POPDC1: variants seen among roughly 807,000 people sequenced by gnomAD.
POPDC1 encodes popeye domain-containing protein 1.
chr6:105,099,730 T>C, the POPDC1 span: 1 of 152,352 alleles, frequency 6.6e-6, no homozygotes. Context: ...CCTTCCACTG[T>C]GTTCACGTTC....
the POPDC1 span, among the ~76,000 whole-genome samples, chr6:105,106,847 TTA>T: frequency 6.6e-6 from 1 of 152,300 alleles, no homozygotes; most frequent in Admixed American, 6.5e-5. Context: ...ATGTATATAT[TTA>T]TGAGTTACAT....
chr6:105,124,834 A>T, the POPDC1 span, among the ~76,000 whole-genome samples: 1 of 152,220 alleles, frequency 6.6e-6, no homozygotes, highest in Non-Finnish European at 1.5e-5. Flanking sequence ...ATAACGTTAG[A>T]AAAAGAAAAA....
the POPDC1 span, among the ~76,000 whole-genome samples, chr6:105,113,755 G>A: frequency 6.6e-6 from 1 of 151,424 alleles, no homozygotes; most frequent in African/African-American, 2.4e-5. Flanking sequence ...GAGGCGGGTG[G>A]GATCCTCCTG....
chr6:105,108,315 G>A, the POPDC1 span, among the ~76,000 whole-genome samples: 5 of 152,186 alleles, frequency 3.3e-5, no homozygotes, highest in South Asian at 2.1e-4. Flanking sequence ...GCTGGAGGAC[G>A]GCAGGCTCTG....
At chr6:105,120,911 T>C in the POPDC1 span, among the ~76,000 whole-genome samples, 1 of 152,222 alleles carries the variant, frequency 6.6e-6, no homozygotes, top group African/African-American at 2.4e-5. Flanking sequence ...CCACTGATGC[T>C]TATTGAGTTC....
the POPDC1 span, chr6:105,125,717 A>G: frequency 4.4e-5 from 35 of 796,510 alleles, no homozygotes; most frequent in South Asian, 5.4e-4. Flanking sequence ...GGCCAATAGA[A>G]TCTTACACAG....
the POPDC1 span, among the ~76,000 whole-genome samples, chr6:105,120,679 T>C: frequency 6.6e-6 from 1 of 152,174 alleles, no homozygotes; most frequent in South Asian, 2.1e-4. Flanking sequence ...TTCCTCCCTT[T>C]AGATTCCAAA....
the POPDC1 span, among the ~76,000 whole-genome samples, chr6:105,103,282 T>C: frequency 6.6e-6 from 1 of 152,222 alleles, no homozygotes; most frequent in Admixed American, 6.5e-5. Flanking sequence ...AACCACTTTG[T>C]AAATATTTGT....
chr6:105,122,657 A>C, the POPDC1 span, among the ~76,000 whole-genome samples: 1 of 152,228 alleles, frequency 6.6e-6, no homozygotes, highest in South Asian at 2.1e-4. Context: ...ATACAGGCAA[A>C]AGATAAATGT....
At chr6:105,134,665 T>A in the POPDC1 span, among the ~76,000 whole-genome samples, 1 of 152,152 alleles carries the variant, frequency 6.6e-6, no homozygotes, top group Non-Finnish European at 1.5e-5. Flanking sequence ...AAAATGGGTA[T>A]TTTGAAAGGA....
the POPDC1 span, chr6:105,136,299 G>T: frequency 1.3e-5 from 2 of 152,292 alleles, no homozygotes; most frequent in Admixed American, 1.3e-4. Flanking sequence ...GGGGAAGGAG[G>T]TTGCGGGTGG....
the POPDC1 span, among the ~76,000 whole-genome samples, chr6:105,115,334 C>T: frequency 6.6e-6 from 1 of 152,020 alleles, no homozygotes; most frequent in Non-Finnish European, 1.5e-5. Context: ...GTGATCCGCC[C>T]GCCTCAGCCT....
chr6:105,113,504 T>C, the POPDC1 span, among the ~76,000 whole-genome samples: 1 of 152,150 alleles, frequency 6.6e-6, no homozygotes, highest in Non-Finnish European at 1.5e-5. Context: ...GGAACATGCA[T>C]GGAAGTGGTA....
At chr6:105,130,659 G>C in the POPDC1 span, among the ~76,000 whole-genome samples, 1 of 152,088 alleles carries the variant, frequency 6.6e-6, no homozygotes, top group African/African-American at 2.4e-5. Context: ...AACCCAGATG[G>C]CATAGTCTAC....
chr6:105,104,954 T>A, the POPDC1 span, among the ~76,000 whole-genome samples: 1 of 152,196 alleles, frequency 6.6e-6, no homozygotes, highest in Non-Finnish European at 1.5e-5. Context: ...ACATCTGTAC[T>A]ATTATTTCTA....
the POPDC1 span, among the ~76,000 whole-genome samples, chr6:105,128,069 T>C: frequency 1.3e-5 from 2 of 152,242 alleles, no homozygotes; most frequent in Non-Finnish European, 2.9e-5. Context: ...CTAATACTTT[T>C]CCTCTTTGAA....
chr6:105,131,273 C>T, the POPDC1 span, among the ~76,000 whole-genome samples: 6 of 152,066 alleles, frequency 3.9e-5, no homozygotes, highest in African/African-American at 1.2e-4. Flanking sequence ...TATTTCATAG[C>T]AAATAGTGAA....
chr6:105,131,235 T>C, the POPDC1 span, among the ~76,000 whole-genome samples: 1 of 152,148 alleles, frequency 6.6e-6, no homozygotes, highest in African/African-American at 2.4e-5. Flanking sequence ...AAGCCCAAAA[T>C]GTAAAAATTT....
At chr6:105,133,428 A>AAT in the POPDC1 span, 1 of 1,613,876 alleles carries the variant, frequency 6.2e-7, no homozygotes, top group Non-Finnish European at 8.5e-7. Flanking sequence ...CTGCAAAACA[A>AAT]ATATTTGCTA....
Sources: gnomAD v4.1 joint callset for allele counts (sites outside exome capture counted in the v4.1 genomes callset) on GRCh38, gnomAD v4.1.1 for gene constraint, MANE v1.5 for transcripts, NCBI Gene and HGNC (gene_info 2026-07-23, HGNC 2026-07-21) for gene names.